Variants in GNA12 observed in about 807,000 individuals in gnomAD.
The protein encoded by GNA12 is G protein subunit alpha 12.
A neutral mutation model predicts 26.0 loss-of-function variants in GNA12; 9 were observed. The observed-to-expected ratio is 0.35, with a 90% CI of 0.21 to 0.60. GNA12 has a LOEUF of 0.60. Among genes scored for constraint, GNA12 ranks in the 20% least tolerant of loss-of-function variants. The probability of loss-of-function intolerance (pLI) is 0.78; values close to 1 mark genes in which losing one functional copy is unlikely to be tolerated. For missense variants in GNA12, 405 were observed against 525.8 expected (o/e 0.77, Z 2.25); for synonymous variants, 264 against 219.6 (o/e 1.20, Z -1.79).
chr7:2,825,392 G>GC (rs1430752218), intron 1 of GNA12, among the ~76,000 whole-genome samples: 4 of 152,178 alleles, frequency 2.6e-5, no homozygotes, highest in Non-Finnish European at 5.9e-5. Flanking sequence ...AGGAGAGAGG[G>GC]CGGGAAGGGG....
chr7:2,745,909 A>G (rs1480732188), intron 2 of GNA12, among the ~76,000 whole-genome samples: 1 of 152,242 alleles, frequency 6.6e-6, no homozygotes, highest in Non-Finnish European at 1.5e-5. Flanking sequence ...AACAAAGATC[A>G]AAAGAGACAA....
Position 2,755,106 on chromosome 7 carries a change from G to A in GNA12, c.526-21605C>T, listed in dbSNP as rs373982768. ...GGCGTGCTGGCGGGGAGCGATCCAC[G>A]GGTCTGTCCAGTGACCTCGTGTCTC... is the stretch of plus-strand genomic sequence containing the variant. On this transcript the variant is annotated intron_variant, in intron 2 of 3. Transcript: ENST00000275364. Among the ~76,000 whole-genome samples, 18 of 150,886 alleles carry A rather than the reference G, an allele frequency of 1.2e-4. No homozygotes were observed. In the East Asian group the frequency reaches 2.2e-3, roughly 19 times the overall value.
chr7:2,841,370 C>T (rs1583322013), intron 1 of GNA12, among the ~76,000 whole-genome samples: 1 of 152,170 alleles, frequency 6.6e-6, no homozygotes, highest in African/African-American at 2.4e-5. Flanking sequence ...AAACTAGAGA[C>T]AGTCAAACTG....
intron 1 of GNA12, among the ~76,000 whole-genome samples, chr7:2,796,467 T>C (rs977762825): frequency 9.9e-5 from 15 of 152,202 alleles, no homozygotes; most frequent in African/African-American, 3.1e-4. Flanking sequence ...AGCGCTACTA[T>C]TGTCATCATC....
chr7:2,807,371 T>C (rs1168269469), intron 1 of GNA12, among the ~76,000 whole-genome samples: 1 of 152,180 alleles, frequency 6.6e-6, no homozygotes, highest in Non-Finnish European at 1.5e-5. Context: ...GAATTTCTAG[T>C]CTCTTGTTTC....
chr7:2,810,964 C>T (rs1562440539), intron 1 of GNA12, among the ~76,000 whole-genome samples: 1 of 152,030 alleles, frequency 6.6e-6, no homozygotes, highest in Non-Finnish European at 1.5e-5. Context: ...GAAGGAGGCC[C>T]TGGAGCGCTC....
intron 1 of GNA12, among the ~76,000 whole-genome samples, chr7:2,832,083 C>T (rs1169513995): frequency 6.6e-6 from 1 of 152,158 alleles, no homozygotes; most frequent in Non-Finnish European, 1.5e-5. Context: ...CAAATTTCTC[C>T]GCAGCCCAAA....
chr7:2,749,224 C>T (rs577911100), intron 2 of GNA12, among the ~76,000 whole-genome samples: 1,925 of 152,128 alleles, frequency 0.013, 54 homozygotes, highest in African/African-American at 0.044. Context: ...GTGTTTATTG[C>T]GGCACTATTC....
chr7:2,806,457 C>CAAAAAA (rs34036056), intron 1 of GNA12, among the ~76,000 whole-genome samples: 472 of 77,938 alleles, frequency 6.1e-3, no homozygotes, highest in East Asian at 0.01. Flanking sequence ...GACTCTGTCT[C>CAAAAAA]AAAAAAAAAA....
intron 1 of GNA12, among the ~76,000 whole-genome samples, chr7:2,837,187 C>A (rs1421176132): frequency 6.7e-6 from 1 of 149,074 alleles, no homozygotes; most frequent in African/African-American, 2.5e-5. Context: ...AGTGCACCCC[C>A]ACCACGAGGC....
intron 2 of GNA12, among the ~76,000 whole-genome samples, chr7:2,751,229 C>A (rs967653542): frequency 6.6e-6 from 1 of 151,784 alleles, no homozygotes; most frequent in Non-Finnish European, 1.5e-5. Flanking sequence ...TCAAAAAAAA[C>A]CCCAAAGTTA....
intron 2 of GNA12, among the ~76,000 whole-genome samples, chr7:2,791,535 G>T: frequency 6.6e-6 from 1 of 152,280 alleles, no homozygotes; most frequent in Non-Finnish European, 1.5e-5. Flanking sequence ...AAAGCAAGAC[G>T]GCAGAGGGAA....
At chr7:2,798,692 C>A (rs1462711075) in intron 1 of GNA12, among the ~76,000 whole-genome samples, 1 of 152,080 alleles carries the variant, frequency 6.6e-6, no homozygotes, top group East Asian at 1.9e-4. Flanking sequence ...ATTAAATTAG[C>A]TAAAGCAACT....
chr7:2,754,804 C>T (rs1233801744), intron 2 of GNA12, among the ~76,000 whole-genome samples: 4 of 152,092 alleles, frequency 2.6e-5, no homozygotes, highest in East Asian at 3.9e-4. Flanking sequence ...CAAAAATGAC[C>T]GTTTCTCAAA....
At chr7:2,732,628 G>A (rs1789956893) in intron 3 of GNA12, among the ~76,000 whole-genome samples, 1 of 152,124 alleles carries the variant, frequency 6.6e-6, no homozygotes, top group South Asian at 2.1e-4. Context: ...GCAGCTTCTT[G>A]CCAAAACACC....
At chr7:2,826,775 G>A (rs546112519) in intron 1 of GNA12, among the ~76,000 whole-genome samples, 1 of 152,326 alleles carries the variant, frequency 6.6e-6, no homozygotes, top group African/African-American at 2.4e-5. Context: ...GCTGCCAGGG[G>A]TTGAGGGGAG....
chr7:2,821,622 C>T (rs560997138), intron 1 of GNA12, among the ~76,000 whole-genome samples: 2 of 152,290 alleles, frequency 1.3e-5, no homozygotes, highest in African/African-American at 4.8e-5. Context: ...AAGAGAAACT[C>T]CTGCAGTTAT....
rs922856948 is a variant in GNA12 at position 2,781,915 on chromosome 7, A to G, written c.525+13013T>C. Among the ~76,000 whole-genome samples, 16 of 152,238 alleles carry G rather than the reference A, an allele frequency of 1.1e-4. 1 individual carries two copies. Among genetic ancestry groups the G allele is most frequent in the Admixed American group, 9.2e-4 (14 of 15,280 alleles). On this transcript the variant is annotated intron_variant, in intron 2 of 3. Transcript: ENST00000275364. The stretch of plus-strand genomic sequence containing the variant: ...ACAGTTCCCACTTTGAAAACTTACT[A>G]CAAAGCTACAGTAATCAAAGTGATG...
intron 1 of GNA12, among the ~76,000 whole-genome samples, chr7:2,798,720 G>A (rs1164720239): frequency 6.6e-6 from 1 of 152,130 alleles, no homozygotes; most frequent in Non-Finnish European, 1.5e-5. Flanking sequence ...AGAAAAGTGG[G>A]AACAATCAGT....
Sources: allele counts gnomAD v4.1 joint callset (sites outside exome capture counted in the v4.1 genomes callset), GRCh38; gene constraint gnomAD v4.1.1; transcripts MANE v1.5; gene names NCBI Gene and HGNC (gene_info 2026-07-23, HGNC 2026-07-21).